PHACTR4: variants seen among roughly 807,000 people sequenced by gnomAD.
PHACTR4 encodes phosphatase and actin regulator 4.
Under a neutral mutation model 72.7 loss-of-function variants are expected in PHACTR4, and 51 were observed. The observed-to-expected ratio is 0.70, with a 90% CI of 0.56 to 0.89. The LOEUF (loss-of-function observed/expected upper bound fraction) is 0.89. Ranked by LOEUF, PHACTR4 falls within the 40% of genes least tolerant of loss-of-function variation. PHACTR4 has a pLI of 0.00. For missense variants in PHACTR4, 731 were observed against 861.8 expected, an observed-to-expected ratio of 0.85 and a Z score of 1.90; for synonymous variants, 255 against 302.5, an observed-to-expected ratio of 0.84 and a Z score of 1.63.
In PHACTR4 at chr1:28,490,983, C is replaced by T. The variant is rs199899971; in HGVS notation, c.1849C>T (p.Arg617Ter). The change falls in exon 11 of 14, where the codon CGA becomes TGA. Residue 617 changes from arginine to a stop codon, truncating the protein, a stop_gained. Transcript: ENST00000373839. LOFTEE classifies it high-confidence loss of function. Reference sequence around the variant, plus strand: ...TGAAGCTGATCGTCAGGCAGAAAAACGAGAAATTAAACGTCGGCTCACTAG... The same window carrying T: ...TGAAGCTGATCGTCAGGCAGAAAAATGAGAAATTAAACGTCGGCTCACTAG... Reference protein sequence around the residue: ...KNEADRQAEKREIKRRLTRKL... With the variant: ...KNEADRQAEK The T allele has an allele frequency of 5.0e-6, 8 of 1,613,768 alleles. No homozygotes were observed. The highest frequency in any genetic ancestry group is 1.1e-5 in the South Asian group (1 of 91,072).
intron 1 of PHACTR4, among the ~76,000 whole-genome samples, chr1:28,386,426 G>C (rs186642170): frequency 1.6e-4 from 25 of 152,148 alleles, no homozygotes; most frequent in Admixed American, 3.3e-4. Flanking sequence ...GGGTTCTGTA[G>C]GTGTCTTATC....
At chr1:28,455,913 C>G (rs554752064) in intron 2 of PHACTR4, among the ~76,000 whole-genome samples, 1 of 152,230 alleles carries the variant, frequency 6.6e-6, no homozygotes, top group African/African-American at 2.4e-5. Flanking sequence ...ACATCTGCCT[C>G]TAAAAGTTTT....
intron 1 of PHACTR4, among the ~76,000 whole-genome samples, chr1:28,400,021 A>G (rs983261861): frequency 2.6e-5 from 4 of 152,202 alleles, no homozygotes; most frequent in African/African-American, 9.6e-5. Context: ...GAAGTAGGAA[A>G]TGTGGTCAGT....
At chr1:28,435,064 C>G (rs1656544531) in intron 2 of PHACTR4, among the ~76,000 whole-genome samples, 1 of 152,102 alleles carries the variant, frequency 6.6e-6, no homozygotes, top group African/African-American at 2.4e-5. Context: ...CTTCCATTTG[C>G]TTAATATTTC....
At chr1:28,402,815 A>G (rs1399415265) in intron 1 of PHACTR4, among the ~76,000 whole-genome samples, 1 of 152,192 alleles carries the variant, frequency 6.6e-6, no homozygotes, top group Non-Finnish European at 1.5e-5. Flanking sequence ...TGATTCTGTA[A>G]GAACAGGGGT....
At chr1:28,472,639 C>T (rs1659633202) in intron 6 of PHACTR4, among the ~76,000 whole-genome samples, 2 of 150,426 alleles carry the variant, frequency 1.3e-5, no homozygotes, top group Admixed American at 1.3e-4. Context: ...GAGTCTTGTG[C>T]TGTCCAGCCT....
At chr1:28,394,522 C>T (rs1653326720) in intron 1 of PHACTR4, among the ~76,000 whole-genome samples, 1 of 151,364 alleles carries the variant, frequency 6.6e-6, no homozygotes, top group Non-Finnish European at 1.5e-5. Context: ...AGCTCCTGGC[C>T]TCAAGTGATC....
intron 6 of PHACTR4, among the ~76,000 whole-genome samples, chr1:28,472,806 C>T (rs185243544): frequency 0.097 from 13,285 of 136,766 alleles, 1,419 homozygotes; most frequent in African/African-American, 0.27. Context: ...TTAGTAGAGA[C>T]GGGGTTTCAC....
chr1:28,382,326 C>G (rs1469910202), intron 1 of PHACTR4, among the ~76,000 whole-genome samples: 1 of 150,170 alleles, frequency 6.7e-6, no homozygotes, highest in South Asian at 2.1e-4. Context: ...TTTTTTGAGA[C>G]AGAGTCTCCC....
chr1:28,407,667 CTATT>C (rs1654454621), intron 2 of PHACTR4, among the ~76,000 whole-genome samples: 1 of 151,924 alleles, frequency 6.6e-6, no homozygotes, highest in African/African-American at 2.4e-5. Flanking sequence ...TGTGACATAT[CTATT>C]GATGTTTGCT....
intron 1 of PHACTR4, among the ~76,000 whole-genome samples, chr1:28,383,774 A>G (rs535801803): frequency 6.6e-6 from 1 of 152,308 alleles, no homozygotes; most frequent in South Asian, 2.1e-4. Context: ...GGTTTTCTGG[A>G]TACAGGGTCA....
At chr1:28,451,389 AT>A (rs765097635) in intron 2 of PHACTR4, among the ~76,000 whole-genome samples, 2,596 of 143,050 alleles carry the variant, frequency 0.018, 31 homozygotes, top group African/African-American at 0.042. Flanking sequence ...TTGTAGCAGG[AT>A]TTTTTTTTTT....
intron 1 of PHACTR4, among the ~76,000 whole-genome samples, chr1:28,378,104 G>A (rs1651833030): frequency 6.6e-6 from 1 of 151,214 alleles, no homozygotes; most frequent in African/African-American, 2.4e-5. Flanking sequence ...GGCTGAGGCA[G>A]GAGAATGGCG....
intron 6 of PHACTR4, among the ~76,000 whole-genome samples, chr1:28,469,013 A>G (rs1239416957): frequency 1.3e-5 from 2 of 152,232 alleles, no homozygotes; most frequent in African/African-American, 4.8e-5. Flanking sequence ...CTGAGGAATC[A>G]GTATTAGTCC....
chr1:28,462,261 A>G (rs1434385705), intron 4 of PHACTR4, among the ~76,000 whole-genome samples: 2 of 151,956 alleles, frequency 1.3e-5, no homozygotes, highest in Admixed American at 6.6e-5. Context: ...CAGCCACCTC[A>G]GCCTCCCAAA....
intron 2 of PHACTR4, among the ~76,000 whole-genome samples, chr1:28,448,863 G>A (rs937540567): frequency 7.4e-5 from 11 of 148,182 alleles, no homozygotes; most frequent in East Asian, 5.9e-4. Flanking sequence ...CAAGTAAAGC[G>A]GGGGGCGGGG....
chr1:28,399,571 G>A (rs1421183125), intron 1 of PHACTR4, among the ~76,000 whole-genome samples: 7 of 151,920 alleles, frequency 4.6e-5, no homozygotes, highest in South Asian at 4.2e-4. Flanking sequence ...GTACTGTTTG[G>A]TGCTAGTGTT....
At chr1:28,398,426 A>C (rs1446765134) in intron 1 of PHACTR4, among the ~76,000 whole-genome samples, 4 of 152,194 alleles carry the variant, frequency 2.6e-5, no homozygotes, top group Non-Finnish European at 5.9e-5. Context: ...AGGCTGAGGC[A>C]GGAGAATCAC....
intron 5 of PHACTR4, 44 bp from the exon 6 acceptor site, chr1:28,466,338 G>T: frequency 1.9e-6 from 3 of 1,549,884 alleles, no homozygotes; most frequent in Admixed American, 2.0e-5. Flanking sequence ...AGTTTCTCTT[G>T]TTACTCTCTC....
Sources: allele counts gnomAD v4.1 joint callset (sites outside exome capture counted in the v4.1 genomes callset), GRCh38; gene constraint gnomAD v4.1.1; transcripts MANE v1.5; gene names NCBI Gene and HGNC (gene_info 2026-07-23, HGNC 2026-07-21).